LARGE1: variants seen among roughly 807,000 people sequenced by gnomAD.
LARGE1 encodes xylosyl- and glucuronyltransferase LARGE1.
In LARGE1, 43 loss-of-function variants were observed where a neutral mutation model predicts 87.6. The observed-to-expected ratio is 0.49, with a 90% confidence interval of 0.38 to 0.63. The LOEUF (loss-of-function observed/expected upper bound fraction) is 0.63. LARGE1 is among the 30% of genes least tolerant of loss of function. The pLI, the probability that LARGE1 is intolerant of heterozygous loss-of-function variation, is 0.00. For missense variants in LARGE1, 802 were observed against 1,000.2 expected, an observed-to-expected ratio of 0.80 and a Z score of 2.67; for synonymous variants, 434 against 394.6, an observed-to-expected ratio of 1.10 and a Z score of -1.18.
intron 6 of LARGE1, among the ~76,000 whole-genome samples, chr22:33,493,450 C>G (rs542372361): frequency 6.6e-6 from 1 of 152,088 alleles, no homozygotes; most frequent in East Asian, 1.9e-4. Flanking sequence ...TGTGAGCCAC[C>G]GTGCCCGGCC....
intron 6 of LARGE1, among the ~76,000 whole-genome samples, chr22:33,550,432 A>C (rs1378059317): frequency 3.3e-5 from 5 of 152,210 alleles, no homozygotes; most frequent in Non-Finnish European, 2.9e-5. Context: ...CATAGGATAG[A>C]GGGAAGAGGC....
intron 1 of LARGE1, among the ~76,000 whole-genome samples, chr22:33,846,610 A>T (rs1381284591): frequency 1.3e-5 from 2 of 152,196 alleles, no homozygotes; most frequent in East Asian, 3.8e-4. Flanking sequence ...TCTTCTTTCA[A>T]AAGCAAATGG....
At chr22:33,472,956 C>G (rs962667914) in intron 6 of LARGE1, among the ~76,000 whole-genome samples, 6 of 152,202 alleles carry the variant, frequency 3.9e-5, no homozygotes, top group Non-Finnish European at 7.3e-5. Flanking sequence ...GATGCCTGCA[C>G]AAGATCATTT....
At chr22:33,524,300 AAATAAT>A (rs1569237780) in intron 6 of LARGE1, among the ~76,000 whole-genome samples, 1 of 150,942 alleles carries the variant, frequency 6.6e-6, no homozygotes, top group Non-Finnish European at 1.5e-5. Flanking sequence ...AAAAAAAAAA[AAATAAT>A]AATAATAATA....
chr22:33,390,287 G>A (rs973512613), intron 7 of LARGE1, among the ~76,000 whole-genome samples: 1 of 152,282 alleles, frequency 6.6e-6, no homozygotes, highest in South Asian at 2.1e-4. Flanking sequence ...TCAGCTTCCT[G>A]AGCCTCCTCT....
chr22:33,541,163 G>C (rs778971586), intron 6 of LARGE1, among the ~76,000 whole-genome samples: 52 of 130,170 alleles, frequency 4.0e-4, no homozygotes, highest in Non-Finnish European at 6.3e-4. Context: ...CTGGGCTATA[G>C]AGCAAGACCC....
Position 33,239,980 on chromosome 22 carries a change from A to G in LARGE1, c.1730+64249T>C, listed in dbSNP as rs189472083. Among the ~76,000 whole-genome samples, 35 of 152,232 alleles carry G rather than the reference A, an allele frequency of 2.3e-4. No homozygotes were observed. In the East Asian group the frequency reaches 6.7e-3, roughly 29 times the overall value. ...ATATATATTTGCAAGTCTTCTTGTG[A>G]ACATATGTTTTCAGTTCTAGGGAGC... On this transcript the variant is annotated intron_variant, in intron 11 of 11. Coordinates refer to the LARGE1 transcript ENST00000608642.
At chr22:33,379,923 G>A (rs2065106125) in intron 9 of LARGE1, among the ~76,000 whole-genome samples, 1 of 152,132 alleles carries the variant, frequency 6.6e-6, no homozygotes, top group Non-Finnish European at 1.5e-5. Context: ...TAGGAGCTCT[G>A]TTCCAGGAAC....
At chr22:33,500,493 C>A (rs900594300) in intron 6 of LARGE1, among the ~76,000 whole-genome samples, 1 of 152,126 alleles carries the variant, frequency 6.6e-6, no homozygotes, top group Non-Finnish European at 1.5e-5. Flanking sequence ...CCGCAGGAGA[C>A]TATTTGGATA....
At chr22:33,337,074 A>G (rs1475813117) in intron 10 of LARGE1, among the ~76,000 whole-genome samples, 1 of 151,146 alleles carries the variant, frequency 6.6e-6, no homozygotes, top group African/African-American at 2.4e-5. Flanking sequence ...AAAAAAAAAA[A>G]GTGGGTTTCT....
intron 6 of LARGE1, among the ~76,000 whole-genome samples, chr22:33,531,243 C>A (rs769040924): frequency 3.9e-4 from 59 of 152,110 alleles, no homozygotes; most frequent in Non-Finnish European, 6.6e-4. Flanking sequence ...CTGCAACCTC[C>A]TCCTCCTGGG....
chr22:33,356,485 G>A (rs1162378081), intron 9 of LARGE1, among the ~76,000 whole-genome samples: 1 of 152,242 alleles, frequency 6.6e-6, no homozygotes, highest in Admixed American at 6.5e-5. Flanking sequence ...TGAAATAAGA[G>A]AGTTGGCCGG....
rs576215638 is a variant in LARGE1 at position 33,918,243 on chromosome 22, A to G, written c.-83+1752T>C. 5.3e-5 allele frequency among the ~76,000 whole-genome samples: 8 copies of G among 152,142 alleles called. No homozygotes were observed. In the Middle Eastern group the frequency reaches 0.02, roughly 388 times the overall value. The stretch of plus-strand genomic sequence containing the variant: ...GGCTCACATCAAAAAGTTAATCCAC[A>G]CCCCAGCACACTTCATTAAGTGAAG... On this transcript the variant is annotated intron_variant, in intron 1 of 14. Coordinates refer to ENST00000397394, the MANE Select transcript of LARGE1 (RefSeq NM_133642.5).
At position 33,274,046 on chromosome 22, in the gene LARGE1, C is replaced by T. The variant is rs1192911931; in HGVS notation, c.*381G>A. On this transcript the variant is annotated 3_prime_UTR_variant, in exon 15 of 15. Transcript: ENST00000397394. ...CGAATAACCCCTAGAACCCTGACTTCCCTTTCTCCCCAGTTATGATGGGAA... is the reference window on the plus strand; with the variant it reads ...CGAATAACCCCTAGAACCCTGACTTTCCTTTCTCCCCAGTTATGATGGGAA... 1 of 392,164 alleles carries T rather than the reference C, an allele frequency of 2.5e-6. No individual in the cohort carries two copies. The highest frequency in any genetic ancestry group is 4.6e-6 in the Non-Finnish European group (1 of 215,972). The allele number at this position is 392,164 out of a possible 1,614,324, so 24.3% of individuals were successfully genotyped here.
downstream of LARGE1, among the ~76,000 whole-genome samples, chr22:33,271,555 C>G (rs912403382): frequency 6.6e-6 from 1 of 152,330 alleles, no homozygotes; most frequent in East Asian, 1.9e-4. Flanking sequence ...CAACTGAAAG[C>G]CAAGATTAGT....
intron 6 of LARGE1, among the ~76,000 whole-genome samples, chr22:33,529,140 C>CT (rs1314337642): frequency 6.6e-6 from 1 of 152,194 alleles, no homozygotes; most frequent in Non-Finnish European, 1.5e-5. Context: ...AAAGGAAACT[C>CT]TATAAAGAAT....
intron 6 of LARGE1, among the ~76,000 whole-genome samples, chr22:33,470,500 A>C (rs1248758833): frequency 6.6e-6 from 1 of 152,170 alleles, no homozygotes; most frequent in Non-Finnish European, 1.5e-5. Context: ...AGATCTTAGA[A>C]TCTATTCCTT....
intron 1 of LARGE1, among the ~76,000 whole-genome samples, chr22:33,814,132 T>C (rs560119098): frequency 1.4e-3 from 218 of 152,298 alleles, no homozygotes; most frequent in Non-Finnish European, 2.5e-3. Flanking sequence ...TTCACTCTTG[T>C]TCGACCATTT....
At chr22:33,851,643 T>C (rs933866059) in intron 1 of LARGE1, among the ~76,000 whole-genome samples, 15 of 152,180 alleles carry the variant, frequency 9.9e-5, no homozygotes, top group African/African-American at 3.6e-4. Context: ...TGCAGCAAGG[T>C]GGACACTACA....
Sources: gnomAD v4.1 joint callset for allele counts (sites outside exome capture counted in the v4.1 genomes callset) on GRCh38, gnomAD v4.1.1 for gene constraint, MANE v1.5 for transcripts, NCBI Gene and HGNC (gene_info 2026-07-23, HGNC 2026-07-21) for gene names.